The following CACNG3 variants were observed in gnomAD, a reference collection of about 807,000 sequenced individuals.
CACNG3 encodes the protein calcium voltage-gated channel auxiliary subunit gamma 3.
Under a neutral mutation model 28.5 loss-of-function variants are expected in CACNG3, and 3 were observed. That is an observed-to-expected ratio of 0.11 (90% confidence interval 0.05 to 0.27). The LOEUF (loss-of-function observed/expected upper bound fraction) is 0.27, where lower values mean the gene tolerates loss of function less well. Ranked by LOEUF, CACNG3 falls within the 10% of genes least tolerant of loss-of-function variation. The pLI, the probability that CACNG3 is intolerant of heterozygous loss-of-function variation, is 1.00. For missense variants in CACNG3, 236 were observed against 414.4 expected (o/e 0.57, Z 3.74); for synonymous variants, 174 against 162.2 (o/e 1.07, Z -0.55).
intron 1 of CACNG3, among the ~76,000 whole-genome samples, chr16:24,259,037 C>T (rs1239578801): frequency 1.3e-5 from 2 of 152,230 alleles, no homozygotes; most frequent in Non-Finnish European, 2.9e-5. Flanking sequence ...GCCAGGCATT[C>T]TGTAGGCTTA....
At chr16:24,302,850 GA>G (rs1344718611) in intron 1 of CACNG3, among the ~76,000 whole-genome samples, 16 of 152,076 alleles carry the variant, frequency 1.1e-4, no homozygotes, top group Non-Finnish European at 2.1e-4. Context: ...AGTAGATGCG[GA>G]GTTTCACCAT....
chr16:24,351,295 G>T (rs922233595), intron 2 of CACNG3, among the ~76,000 whole-genome samples: 2 of 152,078 alleles, frequency 1.3e-5, no homozygotes, highest in African/African-American at 2.4e-5. Flanking sequence ...TTTCAGCCAG[G>T]CATGGTGGCT....
At chr16:24,285,558 A>G (rs1898881490) in intron 1 of CACNG3, among the ~76,000 whole-genome samples, 1 of 152,146 alleles carries the variant, frequency 6.6e-6, no homozygotes. Context: ...AGAGCCAGAC[A>G]CAATGGCACA....
intron 1 of CACNG3, among the ~76,000 whole-genome samples, chr16:24,306,107 C>A (rs1460821457): frequency 6.6e-6 from 1 of 152,198 alleles, no homozygotes; most frequent in Non-Finnish European, 1.5e-5. Context: ...ACCAGGTGAA[C>A]TTTCTTCCTC....
At chr16:24,299,308 A>G (rs933311671) in intron 1 of CACNG3, among the ~76,000 whole-genome samples, 9 of 152,124 alleles carry the variant, frequency 5.9e-5, no homozygotes, top group Admixed American at 3.3e-4. Flanking sequence ...TTATTGCTCA[A>G]ATTGTTCCAC....
chr16:24,333,454 A>G (rs1195798215), intron 1 of CACNG3: 1 of 152,580 alleles, frequency 6.6e-6, no homozygotes, highest in Non-Finnish European at 1.5e-5. Context: ...CAATACATAT[A>G]CTCTTATGGA....
rs548044069 is a variant in CACNG3, at chr16:24,350,085, G to T, written c.295+3268G>T. ...ACAGTAAAAACCTCTTTGATCTGAA[G>T]CCACCATATGTCCACTGGGCTAAAA... On this transcript the variant is annotated intron_variant, in intron 2 of 3. Transcript: ENST00000005284. 1.4e-4 allele frequency among the ~76,000 whole-genome samples: 21 copies of T among 152,282 alleles called. 1 individual carries two copies. The South Asian group carries it at 4.3e-3, about 32-fold the overall frequency.
intron 1 of CACNG3, among the ~76,000 whole-genome samples, chr16:24,305,671 G>A (rs1288643765): frequency 6.6e-6 from 1 of 152,088 alleles, no homozygotes; most frequent in East Asian, 1.9e-4. Context: ...AGGAGGGAGA[G>A]CATTAGGACA....
intron 1 of CACNG3, among the ~76,000 whole-genome samples, chr16:24,302,158 C>T (rs1292473623): frequency 2.0e-5 from 3 of 152,178 alleles, no homozygotes; most frequent in Non-Finnish European, 4.4e-5. Flanking sequence ...ACTTGTCATC[C>T]GGCTTCCTCT....
intron 2 of CACNG3, among the ~76,000 whole-genome samples, chr16:24,351,574 A>G (rs1297346130): frequency 8.1e-6 from 1 of 123,318 alleles, no homozygotes; most frequent in African/African-American, 3.0e-5. Context: ...CCATCAAAAA[A>G]GGGAAGGGAA....
At chr16:24,267,934 G>A (rs983038017) in intron 1 of CACNG3, among the ~76,000 whole-genome samples, 9 of 152,190 alleles carry the variant, frequency 5.9e-5, no homozygotes, top group African/African-American at 2.2e-4. Context: ...GCCTCCCAGA[G>A]TGCTGGGATT....
At chr16:24,304,086 C>T (rs975858598) in intron 1 of CACNG3, among the ~76,000 whole-genome samples, 1 of 152,032 alleles carries the variant, frequency 6.6e-6, no homozygotes, top group Non-Finnish European at 1.5e-5. Flanking sequence ...AGATAGTGAC[C>T]TTGTGGTTTT....
chr16:24,287,048 A>C (rs1463043055), intron 1 of CACNG3, among the ~76,000 whole-genome samples: 1 of 152,232 alleles, frequency 6.6e-6, no homozygotes, highest in African/African-American at 2.4e-5. Flanking sequence ...ATGGGATGGC[A>C]TGCTTGCTTG....
At chr16:24,320,117 A>G (rs1170869633) in intron 1 of CACNG3, among the ~76,000 whole-genome samples, 1 of 152,240 alleles carries the variant, frequency 6.6e-6, no homozygotes, top group African/African-American at 2.4e-5. Flanking sequence ...ATAAATGTTA[A>G]AGCATGTGAC....
chr16:24,325,986 A>C lies in CACNG3; in HGVS notation c.212-20748A>C, dbSNP rs2141371620. Among the ~76,000 whole-genome samples the C allele has an allele frequency of 1.3e-5, 2 of 152,320 alleles. 1 individual carries two copies. The highest frequency in any genetic ancestry group is 4.1e-4 in the South Asian group (2 of 4,828). Reference sequence around the variant, plus strand: ...CAAGCATGGCTGGAGCCAGGGACTCAAATGATATTAGCAAGATTCAGATGG... The same window carrying C: ...CAAGCATGGCTGGAGCCAGGGACTCCAATGATATTAGCAAGATTCAGATGG... On this transcript the variant is annotated intron_variant, in intron 1 of 3. Coordinates refer to ENST00000005284, the MANE Select transcript of CACNG3 (RefSeq NM_006539.4).
At chr16:24,313,942 G>T (rs954056025) in intron 1 of CACNG3, among the ~76,000 whole-genome samples, 1 of 151,600 alleles carries the variant, frequency 6.6e-6, no homozygotes, top group East Asian at 1.9e-4. Flanking sequence ...ACAGGATATC[G>T]CCATGTTGGC....
intron 1 of CACNG3, among the ~76,000 whole-genome samples, chr16:24,283,922 TC>T (rs1898862182): frequency 6.6e-6 from 1 of 152,216 alleles, no homozygotes; most frequent in South Asian, 2.1e-4. Context: ...AGATAGGTTT[TC>T]TTTATCATAC....
chr16:24,297,275 AAAATAAAT>A lies in CACNG3; in HGVS notation c.211+40330_211+40337del, dbSNP rs562575049. 1.7e-4 allele frequency among the ~76,000 whole-genome samples: 22 copies of A among 126,564 alleles called. 1 individual carries two copies. The highest frequency in any genetic ancestry group is 4.3e-4 in the Admixed American group (6 of 13,974). 83.0% of individuals were successfully genotyped at this position (126,564 alleles called of 152,430 possible). A position where few individuals can be genotyped will look rare whatever the true frequency, so the allele number is the denominator to read the frequency against. ...AAAATAAAATAAAATAAAATAAAAT[AAAATAAAT>A]AAATAAATAAATAAATAAAAATACT... On this transcript the variant is annotated intron_variant, in intron 1 of 3. Coordinates refer to ENST00000005284, the MANE Select transcript of CACNG3 (RefSeq NM_006539.4).
intron 1 of CACNG3, among the ~76,000 whole-genome samples, chr16:24,292,996 T>C (rs923586138): frequency 6.6e-6 from 1 of 152,176 alleles, no homozygotes; most frequent in Non-Finnish European, 1.5e-5. Flanking sequence ...TGAGAAGACA[T>C]TTATCCAATC....
Sources: allele counts gnomAD v4.1 joint callset (sites outside exome capture counted in the v4.1 genomes callset), GRCh38; gene constraint gnomAD v4.1.1; transcripts MANE v1.5; gene names NCBI Gene and HGNC (gene_info 2026-07-23, HGNC 2026-07-21).